The following MMP16 variants were observed in gnomAD, a reference collection of about 807,000 sequenced individuals.
The protein encoded by MMP16 is matrix metallopeptidase 16, also known as matrix metalloproteinase-16.
Under a neutral mutation model 67.8 loss-of-function variants are expected in MMP16, and 12 were observed. The ratio of observed to expected loss-of-function variants is 0.18; its 90% confidence interval spans 0.11 to 0.29. The LOEUF (loss-of-function observed/expected upper bound fraction) is 0.29, where lower values mean the gene tolerates loss of function less well. Ranked by LOEUF, MMP16 falls within the 10% of genes least tolerant of loss-of-function variation. The pLI is 1.00. For synonymous variants in MMP16, 249 were observed against 255.9 expected (o/e 0.97, Z 0.26); for missense variants, 475 against 765.7 (o/e 0.62, Z 4.48).
intron 4 of MMP16, among the ~76,000 whole-genome samples, chr8:88,135,807 T>A (rs1036011998): frequency 6.6e-6 from 1 of 151,732 alleles, no homozygotes; most frequent in South Asian, 2.1e-4. Context: ...CTATAGCAGG[T>A]CTGGGGACAT....
chr8:88,165,767 T>C (rs994683753), intron 4 of MMP16, among the ~76,000 whole-genome samples: 2 of 152,098 alleles, frequency 1.3e-5, no homozygotes, highest in Admixed American at 6.6e-5. Flanking sequence ...CCTACAATGC[T>C]TACAGACCTG....
chr8:88,142,878 C>A (rs1196287186), intron 4 of MMP16, among the ~76,000 whole-genome samples: 1 of 152,000 alleles, frequency 6.6e-6, no homozygotes, highest in African/African-American at 2.4e-5. Context: ...AGAATTAATT[C>A]TCGATTGTTC....
chr8:88,274,147 T>C (rs374106241), intron 1 of MMP16, among the ~76,000 whole-genome samples: 18 of 152,258 alleles, frequency 1.2e-4, no homozygotes, highest in African/African-American at 4.3e-4. Flanking sequence ...TTTATGACGA[T>C]GAATTTAAAG....
At chr8:88,077,001 T>G (rs990086993) in intron 6 of MMP16, among the ~76,000 whole-genome samples, 18 of 152,268 alleles carry the variant, frequency 1.2e-4, no homozygotes, top group South Asian at 6.2e-4. Context: ...CAGACACATG[T>G]TGCAGTCTGC....
At chr8:88,226,526 A>G (rs546406933) in intron 1 of MMP16, among the ~76,000 whole-genome samples, 14 of 152,206 alleles carry the variant, frequency 9.2e-5, no homozygotes, top group Non-Finnish European at 1.8e-4. Flanking sequence ...GGTATTTAAC[A>G]TGGGTTGTTC....
At chr8:88,198,349 G>A (rs1253763504) in intron 1 of MMP16, among the ~76,000 whole-genome samples, 1 of 151,900 alleles carries the variant, frequency 6.6e-6, no homozygotes, top group Non-Finnish European at 1.5e-5. Flanking sequence ...AATTGATAAG[G>A]GCCAAGTAAT....
intron 6 of MMP16, among the ~76,000 whole-genome samples, chr8:88,114,294 C>T (rs116364948): frequency 1.0e-3 from 155 of 151,718 alleles, no homozygotes; most frequent in African/African-American, 3.6e-3. Flanking sequence ...TCCCTCCATA[C>T]GCAAACTTAT....
intron 1 of MMP16, among the ~76,000 whole-genome samples, chr8:88,224,548 A>G (rs964733308): frequency 6.6e-6 from 1 of 151,974 alleles, no homozygotes; most frequent in African/African-American, 2.4e-5. Context: ...TCAAACTACT[A>G]GTTACTACAT....
intron 1 of MMP16, among the ~76,000 whole-genome samples, chr8:88,256,882 C>T (rs906501230): frequency 2.6e-5 from 4 of 152,020 alleles, no homozygotes; most frequent in African/African-American, 7.2e-5. Context: ...TATTTCAGAG[C>T]CTATTTAAGC....
chr8:88,252,865 T>G (rs1386740918), intron 1 of MMP16, among the ~76,000 whole-genome samples: 1 of 152,172 alleles, frequency 6.6e-6, no homozygotes, highest in South Asian at 2.1e-4. Context: ...AAAAGAATAA[T>G]GCAAATTAGA....
intron 4 of MMP16, among the ~76,000 whole-genome samples, chr8:88,151,701 T>C (rs1399019914): frequency 3.3e-5 from 5 of 151,452 alleles, no homozygotes; most frequent in Non-Finnish European, 7.4e-5. Flanking sequence ...ATCTCTGGGA[T>C]GCATTCAAAG....
chr8:88,237,721 C>T (rs532752185), intron 1 of MMP16, among the ~76,000 whole-genome samples: 11 of 152,174 alleles, frequency 7.2e-5, no homozygotes, highest in African/African-American at 2.6e-4. Flanking sequence ...GTACACGAAG[C>T]AAAGTATTTG....
At chr8:88,289,622 TG>T (rs1223699910) in intron 1 of MMP16, among the ~76,000 whole-genome samples, 1 of 151,782 alleles carries the variant, frequency 6.6e-6, no homozygotes, top group African/African-American at 2.4e-5. Context: ...TTATATGTGA[TG>T]GTTACATTCT....
chr8:88,304,346 G>C (rs1363292274), intron 1 of MMP16, among the ~76,000 whole-genome samples: 3 of 152,188 alleles, frequency 2.0e-5, no homozygotes, highest in African/African-American at 7.2e-5. Flanking sequence ...GAGAGGTGGA[G>C]AACTGAACTA....
At chr8:88,068,367 A>G (rs927797851) in intron 7 of MMP16, among the ~76,000 whole-genome samples, 1 of 152,122 alleles carries the variant, frequency 6.6e-6, no homozygotes, top group African/African-American at 2.4e-5. Context: ...CTTTTTATTC[A>G]CTTAAAAGTG....
chr8:88,131,265 T>TTA (rs1808024333), intron 4 of MMP16, among the ~76,000 whole-genome samples: 2 of 106,880 alleles, frequency 1.9e-5, no homozygotes, highest in South Asian at 3.2e-4. Flanking sequence ...ATCTATAGTA[T>TTA]TATACACACA....
intron 1 of MMP16, among the ~76,000 whole-genome samples, chr8:88,226,215 A>C (rs1241539868): frequency 6.6e-6 from 1 of 151,994 alleles, no homozygotes. Context: ...GAAAGTGAGA[A>C]TTACTTTCTT....
At chr8:88,091,174 C>T (rs16877921) in intron 6 of MMP16, among the ~76,000 whole-genome samples, 16,460 of 151,778 alleles carry the variant, frequency 0.11, 1,107 homozygotes, top group African/African-American at 0.19. Flanking sequence ...CTCCCAAAGA[C>T]CAATAAAGAA....
chr8:88,184,076 T>C (rs899373964), intron 3 of MMP16, among the ~76,000 whole-genome samples: 32 of 152,210 alleles, frequency 2.1e-4, no homozygotes, highest in Middle Eastern at 6.8e-3. Context: ...TGATTCCTAC[T>C]TACCAAAAAT....
Sources: allele counts gnomAD v4.1 joint callset (sites outside exome capture counted in the v4.1 genomes callset), GRCh38; gene constraint gnomAD v4.1.1; transcripts MANE v1.5; gene names NCBI Gene and HGNC (gene_info 2026-07-23, HGNC 2026-07-21).